The following LARGE1 variants were observed in gnomAD, a reference collection of about 807,000 sequenced individuals.
The protein encoded by LARGE1 is LARGE xylosyl- and glucuronyltransferase 1.
In LARGE1, 43 loss-of-function variants were observed where a neutral mutation model predicts 87.6. The observed-to-expected ratio is 0.49, with a 90% confidence interval of 0.38 to 0.63. The LOEUF is 0.63. Among genes scored for constraint, LARGE1 ranks in the 30% least tolerant of loss-of-function variants. LARGE1 has a pLI of 0.00. For synonymous variants in LARGE1, 434 were observed against 394.6 expected, an observed-to-expected ratio of 1.10 and a Z score of -1.18; for missense variants, 802 against 1,000.2, an observed-to-expected ratio of 0.80 and a Z score of 2.67.
At chr22:33,678,639 C>CT (rs1389767246) in intron 2 of LARGE1, among the ~76,000 whole-genome samples, 1 of 152,218 alleles carries the variant, frequency 6.6e-6, no homozygotes, top group African/African-American at 2.4e-5. Flanking sequence ...CTAATTCTCT[C>CT]TTTCCTGCTT....
intron 11 of LARGE1, among the ~76,000 whole-genome samples, chr22:33,224,901 T>C (rs985730561): frequency 6.6e-6 from 1 of 152,224 alleles, no homozygotes; most frequent in Non-Finnish European, 1.5e-5. Flanking sequence ...GTCATTTGTT[T>C]GGAGGACAAG....
chr22:33,541,969 C>T (rs2077223433), intron 6 of LARGE1, among the ~76,000 whole-genome samples: 1 of 151,758 alleles, frequency 6.6e-6, no homozygotes. Context: ...TGGAGAACAG[C>T]CTGGCCAACA....
chr22:33,690,871 C>T (rs1333531791), intron 2 of LARGE1, among the ~76,000 whole-genome samples: 1 of 152,136 alleles, frequency 6.6e-6, no homozygotes. Flanking sequence ...CACACCTTTC[C>T]ATGGCTCCAT....
intron 11 of LARGE1, among the ~76,000 whole-genome samples, chr22:33,232,163 C>A (rs763505977): frequency 6.6e-6 from 1 of 152,212 alleles, no homozygotes; most frequent in Non-Finnish European, 1.5e-5. Context: ...CACAATAGAG[C>A]CGATTTTCAC....
chr22:33,077,846 C>T, the LARGE1 span, among the ~76,000 whole-genome samples: 1 of 152,092 alleles, frequency 6.6e-6, no homozygotes, highest in Admixed American at 6.6e-5. Flanking sequence ...TAATACTGAA[C>T]ATTCTTCACT....
chr22:33,692,459 C>T (rs1042183462), intron 2 of LARGE1, among the ~76,000 whole-genome samples: 8 of 152,148 alleles, frequency 5.3e-5, no homozygotes, highest in African/African-American at 1.7e-4. Context: ...TACAGGCACC[C>T]GTCATCACAA....
intron 5 of LARGE1, among the ~76,000 whole-genome samples, chr22:33,587,786 G>A (rs1308234091): frequency 1.3e-5 from 2 of 150,492 alleles, no homozygotes; most frequent in Middle Eastern, 3.2e-3. Flanking sequence ...CTCATTCTTA[G>A]ACCAACATTT....
At chr22:33,435,940 G>A (rs1459785556) in intron 6 of LARGE1, among the ~76,000 whole-genome samples, 2 of 152,180 alleles carry the variant, frequency 1.3e-5, no homozygotes, top group Non-Finnish European at 2.9e-5. Context: ...CTTTTTAAAA[G>A]AAATTCATTA....
At chr22:33,171,933 G>A (rs952935334) in intron 11 of LARGE1, among the ~76,000 whole-genome samples, 1 of 152,202 alleles carries the variant, frequency 6.6e-6, no homozygotes, top group African/African-American at 2.4e-5. Flanking sequence ...CCATACACCT[G>A]GAAACACCAC....
At chr22:33,872,359 CTAT>C (rs3072360) in intron 1 of LARGE1, among the ~76,000 whole-genome samples, 17,940 of 142,572 alleles carry the variant, frequency 0.13, 1,235 homozygotes, top group South Asian at 0.28. Context: ...TAAATGCTAT[CTAT>C]TATTATTATT....
At chr22:33,767,544 A>C (rs1168297696) in intron 1 of LARGE1, among the ~76,000 whole-genome samples, 1 of 151,588 alleles carries the variant, frequency 6.6e-6, no homozygotes, top group Non-Finnish European at 1.5e-5. Context: ...CTAATTGGGA[A>C]TACACCCTCC....
At chr22:33,350,836 C>G (rs1156314420) in intron 9 of LARGE1, among the ~76,000 whole-genome samples, 1 of 152,208 alleles carries the variant, frequency 6.6e-6, no homozygotes, top group Admixed American at 6.5e-5. Context: ...GACACGGACT[C>G]CAGCTGACCA....
intron 10 of LARGE1, among the ~76,000 whole-genome samples, chr22:33,324,259 G>T (rs200066527): frequency 8.5e-5 from 1 of 11,748 alleles, no homozygotes; most frequent in Admixed American, 1.3e-3. Context: ...AAAAAAAAAA[G>T]CCAAAAAAAC....
chr22:33,856,362 C>G (rs2063755510), intron 1 of LARGE1, among the ~76,000 whole-genome samples: 1 of 152,166 alleles, frequency 6.6e-6, no homozygotes. Context: ...TCACTTCCCC[C>G]TCAGAGCCTC....
chr22:33,808,283 C>T (rs1455183490), intron 1 of LARGE1, among the ~76,000 whole-genome samples: 1 of 152,214 alleles, frequency 6.6e-6, no homozygotes, highest in African/African-American at 2.4e-5. Context: ...ATGTGCTTAT[C>T]TGCCATCTGC....
At chr22:33,853,748 A>G (rs1467749840) in intron 1 of LARGE1, among the ~76,000 whole-genome samples, 1 of 152,268 alleles carries the variant, frequency 6.6e-6, no homozygotes, top group Non-Finnish European at 1.5e-5. Context: ...GAGCACGTCC[A>G]CAAGGATATG....
intron 11 of LARGE1, among the ~76,000 whole-genome samples, chr22:33,196,128 T>TTA (rs557422908): frequency 0.042 from 4,321 of 103,074 alleles, 88 homozygotes; most frequent in Admixed American, 0.078. Flanking sequence ...CAAAGTAAAT[T>TTA]AAAAAAAAAA....
At position 33,253,105 on chromosome 22, in the gene LARGE1, G is replaced by A. The variant is rs561900986; in HGVS notation, c.1730+51124C>T. On this transcript the variant is annotated intron_variant, in intron 11 of 11. Coordinates refer to the LARGE1 transcript ENST00000608642. ...AAAGGAGAATGAACAGACGTGTCAA[G>A]TGAAGTGGAGACAGCGAATCAGGCT... Among the ~76,000 whole-genome samples, 158 of 152,358 alleles carry A rather than the reference G, an allele frequency of 1.0e-3. 1 individual carries two copies. The South Asian group carries it at 0.012, about 11-fold the overall frequency.
chr22:33,556,561 AGG>A (rs2077691814), intron 6 of LARGE1, among the ~76,000 whole-genome samples: 1 of 44,456 alleles, frequency 2.2e-5, no homozygotes, highest in African/African-American at 1.3e-4. Flanking sequence ...GGAGGGAGGG[AGG>A]GAGGCAGGCA....
Sources: gnomAD v4.1 joint callset for allele counts (sites outside exome capture counted in the v4.1 genomes callset) on GRCh38, gnomAD v4.1.1 for gene constraint, MANE v1.5 for transcripts, NCBI Gene and HGNC (gene_info 2026-07-23, HGNC 2026-07-21) for gene names.